ARHGAP10: variants seen among roughly 807,000 people sequenced by gnomAD.
ARHGAP10 encodes Rho GTPase activating protein 10.
ARHGAP10 carries 87 observed loss-of-function variants against 108.6 expected under a neutral mutation model. The ratio of observed to expected loss-of-function variants is 0.80; its 90% CI spans 0.67 to 0.96. The LOEUF is 0.96. Ranked by LOEUF, ARHGAP10 falls within the 40% of genes least tolerant of loss-of-function variation. ARHGAP10 has a pLI of 0.00. For missense variants in ARHGAP10, 939 were observed against 954.5 expected, an observed-to-expected ratio of 0.98 and a Z score of 0.21; for synonymous variants, 347 against 341.1, an observed-to-expected ratio of 1.02 and a Z score of -0.19.
chr4:147,854,259 A>G (rs1323617338), intron 4 of ARHGAP10, among the ~76,000 whole-genome samples: 6 of 152,340 alleles, frequency 3.9e-5, no homozygotes, highest in Admixed American at 3.9e-4. Flanking sequence ...TGTTGCCACC[A>G]TAAAAATCAT....
intron 7 of ARHGAP10, among the ~76,000 whole-genome samples, chr4:147,870,180 A>G (rs1734757763): frequency 6.6e-6 from 1 of 151,526 alleles, no homozygotes; most frequent in South Asian, 2.1e-4. Flanking sequence ...GTCCTAGTTC[A>G]TGCCATCCTT....
intron 1 of ARHGAP10, among the ~76,000 whole-genome samples, chr4:147,765,925 C>T (rs749310898): frequency 6.6e-6 from 1 of 152,140 alleles, no homozygotes; most frequent in African/African-American, 2.4e-5. Context: ...TCCATATCCT[C>T]GGGGGATTAG....
At chr4:147,854,269 T>C (rs1278963873) in intron 4 of ARHGAP10, among the ~76,000 whole-genome samples, 2 of 152,204 alleles carry the variant, frequency 1.3e-5, no homozygotes, top group Admixed American at 6.5e-5. Context: ...ATAAAAATCA[T>C]TGGATTTTTC....
At chr4:148,029,356 G>C (rs1174293651) in intron 19 of ARHGAP10, among the ~76,000 whole-genome samples, 1 of 152,158 alleles carries the variant, frequency 6.6e-6, no homozygotes, top group Admixed American at 6.5e-5. Flanking sequence ...CACGGCAGCG[G>C]TGCACTCTGT....
chr4:147,946,568 T>C, intron 14 of ARHGAP10, 49 bp from the exon 15 acceptor site: 1 of 1,540,150 alleles, frequency 6.5e-7, no homozygotes, highest in African/African-American at 1.4e-5. Flanking sequence ...AAGAGGACCT[T>C]TGATGATCAA....
intron 1 of ARHGAP10, among the ~76,000 whole-genome samples, chr4:147,753,610 TCCCA>T (rs1729254255): frequency 6.6e-6 from 1 of 151,722 alleles, no homozygotes; most frequent in African/African-American, 2.4e-5. Context: ...TGCCTCAGCC[TCCCA>T]GAGTGCTGGG....
intron 18 of ARHGAP10, among the ~76,000 whole-genome samples, chr4:147,984,227 G>C (rs1391803196): frequency 3.9e-5 from 6 of 152,208 alleles, no homozygotes; most frequent in Non-Finnish European, 8.8e-5. Flanking sequence ...GGAGGCAACA[G>C]AGAAGCATGA....
At chr4:148,071,113 T>C (rs758281583) in intron 22 of ARHGAP10, among the ~76,000 whole-genome samples, 2 of 152,220 alleles carry the variant, frequency 1.3e-5, no homozygotes, top group African/African-American at 2.4e-5. Flanking sequence ...ATCAGGTCTC[T>C]AAACAGGAGG....
intron 1 of ARHGAP10, among the ~76,000 whole-genome samples, chr4:147,741,248 G>T (rs988250915): frequency 6.6e-6 from 1 of 152,128 alleles, no homozygotes; most frequent in Non-Finnish European, 1.5e-5. Context: ...ATAAATTTAG[G>T]ATACTAGCTT....
chr4:147,783,332 ATAATT>A (rs1313836837), intron 1 of ARHGAP10, among the ~76,000 whole-genome samples: 1 of 141,744 alleles, frequency 7.1e-6, no homozygotes, highest in Non-Finnish European at 1.5e-5. Context: ...TATGTATTGT[ATAATT>A]TATATAGCAC....
At chr4:148,070,999 A>C (rs17024327) in intron 22 of ARHGAP10, among the ~76,000 whole-genome samples, 1 of 152,202 alleles carries the variant, frequency 6.6e-6, no homozygotes, top group Non-Finnish European at 1.5e-5. Context: ...TGAACAGTCC[A>C]TTGTGCCAGG....
At chr4:147,838,634 A>G (rs1224686661) in intron 3 of ARHGAP10, among the ~76,000 whole-genome samples, 1 of 152,124 alleles carries the variant, frequency 6.6e-6, no homozygotes, top group African/African-American at 2.4e-5. Context: ...CTCGGCCTCA[A>G]CTAGCCTCCC....
intron 10 of ARHGAP10, among the ~76,000 whole-genome samples, chr4:147,891,595 GGTAA>G (rs1482192918): frequency 6.6e-6 from 1 of 152,008 alleles, no homozygotes; most frequent in Admixed American, 6.6e-5. Context: ...ATTGTCAGTG[GGTAA>G]GTTTTATGGT....
chr4:147,787,876 G>A (rs950661047), intron 1 of ARHGAP10, among the ~76,000 whole-genome samples: 2 of 152,172 alleles, frequency 1.3e-5, no homozygotes, highest in Non-Finnish European at 2.9e-5. Flanking sequence ...CACCCGACCT[G>A]TGAGGGTTAG....
At chr4:148,047,138 G>T in intron 20 of ARHGAP10, 87 bp downstream of exon 20, 1 of 1,489,298 alleles carries the variant, frequency 6.7e-7, no homozygotes, top group Non-Finnish European at 9.1e-7. Context: ...TGACCTGTGG[G>T]TGCTGAAGCC....
At chr4:148,019,890 G>T (rs987685091) in intron 18 of ARHGAP10, among the ~76,000 whole-genome samples, 2 of 152,202 alleles carry the variant, frequency 1.3e-5, no homozygotes, top group South Asian at 4.1e-4. Context: ...TGTTAATCGG[G>T]ATGATAGCTT....
At chr4:147,790,691 A>C (rs532098133) in intron 1 of ARHGAP10, among the ~76,000 whole-genome samples, 13 of 152,312 alleles carry the variant, frequency 8.5e-5, no homozygotes, top group Admixed American at 2.6e-4. Context: ...GCCAATGTTA[A>C]AGTTATATGC....
intron 18 of ARHGAP10, among the ~76,000 whole-genome samples, chr4:147,992,221 T>C (rs954281117): frequency 2.0e-5 from 3 of 152,124 alleles, no homozygotes; most frequent in Non-Finnish European, 4.4e-5. Flanking sequence ...CTAAGCCTGA[T>C]TGCATGCTGT....
intron 18 of ARHGAP10, among the ~76,000 whole-genome samples, chr4:148,018,104 T>C (rs1741419409): frequency 1.3e-5 from 2 of 152,170 alleles, no homozygotes; most frequent in African/African-American, 4.8e-5. Flanking sequence ...GTCATTGGAT[T>C]GTCAGACTTG....
Sources: allele counts gnomAD v4.1 joint callset (sites outside exome capture counted in the v4.1 genomes callset), GRCh38; gene constraint gnomAD v4.1.1; transcripts MANE v1.5; gene names NCBI Gene and HGNC (gene_info 2026-07-23, HGNC 2026-07-21).